The following ASH1L variants were observed in gnomAD, a reference collection of about 807,000 sequenced individuals.
ASH1L encodes ASH1 like histone lysine methyltransferase, also known as histone-lysine N-methyltransferase ASH1L.
ASH1L carries 23 observed loss-of-function variants against 269.0 expected under a neutral mutation model. That is an observed-to-expected ratio of 0.09 (90% CI 0.06 to 0.12). The LOEUF (loss-of-function observed/expected upper bound fraction) is 0.12, where lower values mean the gene tolerates loss of function less well. ASH1L is among the 10% of genes least tolerant of loss of function. The probability of loss-of-function intolerance (pLI) is 1.00; values close to 1 mark genes in which losing one functional copy is unlikely to be tolerated. For missense variants in ASH1L, 2,912 were observed against 3,567.8 expected (o/e 0.82, Z 4.68); for synonymous variants, 1,187 against 1,253.5 (o/e 0.95, Z 1.12).
chr1:155,513,571 C>CAA (rs767517719), intron 2 of ASH1L, among the ~76,000 whole-genome samples: 10 of 82,998 alleles, frequency 1.2e-4, no homozygotes, highest in Admixed American at 7.3e-4. Context: ...GATCCTGTAT[C>CAA]AAAAAAAAAA....
At chr1:155,551,754 G>A (rs980195133) in intron 1 of ASH1L, among the ~76,000 whole-genome samples, 5 of 149,452 alleles carry the variant, frequency 3.3e-5, no homozygotes, top group Non-Finnish European at 5.9e-5. Context: ...TGGATCACAA[G>A]GTCAAGAATT....
intron 6 of ASH1L, among the ~76,000 whole-genome samples, chr1:155,398,225 A>G (rs772331285): frequency 6.6e-6 from 1 of 152,242 alleles, no homozygotes; most frequent in Non-Finnish European, 1.5e-5. Context: ...GAACACAAAC[A>G]TAACTTAATA....
At chr1:155,395,593 G>A (rs781380302) in intron 6 of ASH1L, 40 bp from the exon 7 acceptor site, 2 of 1,483,918 alleles carry the variant, frequency 1.3e-6, no homozygotes, top group Non-Finnish European at 1.9e-6. Context: ...AAGAGGCAAA[G>A]AAATTTCCTC....
In ASH1L at chr1:155,556,174, G is replaced by A. The variant is rs538484909; in HGVS notation, c.-100+5979C>T. Among the ~76,000 whole-genome samples, 6 of 152,288 alleles carry A rather than the reference G, an allele frequency of 3.9e-5. No individual in the cohort carries two copies. In the East Asian group the frequency reaches 1.2e-3, roughly 29 times the overall value. On this transcript the variant is annotated intron_variant, in intron 1 of 27. Coordinates refer to ENST00000392403, the MANE Select transcript of ASH1L (RefSeq NM_018489.3). ...AGGTGGGAGGACCACATGAGTCCAA[G>A]AGTTCAAGACCATCCTGGGCAACAC... is the stretch of plus-strand genomic sequence containing the variant.
intron 1 of ASH1L, among the ~76,000 whole-genome samples, chr1:155,535,134 A>G (rs1277921558): frequency 6.6e-6 from 1 of 151,806 alleles, no homozygotes; most frequent in Non-Finnish European, 1.5e-5. Flanking sequence ...GGTTGTGGTG[A>G]GCCAAGATCG....
intron 3 of ASH1L, among the ~76,000 whole-genome samples, chr1:155,462,913 C>T (rs1199738707): frequency 6.6e-6 from 1 of 152,008 alleles, no homozygotes; most frequent in Non-Finnish European, 1.5e-5. Flanking sequence ...CTCACAGAGG[C>T]AGTAAGAAGA....
At chr1:155,468,917 A>G (rs1157343909) in intron 3 of ASH1L, among the ~76,000 whole-genome samples, 1 of 152,206 alleles carries the variant, frequency 6.6e-6, no homozygotes, top group Admixed American at 6.5e-5. Context: ...TAGAATAACA[A>G]TGTCATTGTA....
intron 15 of ASH1L, among the ~76,000 whole-genome samples, 172 bp downstream of exon 15, chr1:155,357,132 TTAAAAAAAAAAA>T (rs1654485687): frequency 3.0e-4 from 2 of 6,648 alleles, no homozygotes; most frequent in Non-Finnish European, 1.0e-3. Flanking sequence ...AGGGTAAGAC[TTAAAAAAAAAAA>T]AAAAAAAAAA....
intron 2 of ASH1L, among the ~76,000 whole-genome samples, chr1:155,517,101 C>T (rs1668544895): frequency 6.6e-6 from 1 of 152,176 alleles, no homozygotes; most frequent in Non-Finnish European, 1.5e-5. Flanking sequence ...AAAACCCCAT[C>T]CTAAAATCCA....
intron 1 of ASH1L, among the ~76,000 whole-genome samples, chr1:155,544,707 CAAAT>C (rs1454736916): frequency 3.3e-5 from 5 of 151,590 alleles, no homozygotes; most frequent in Non-Finnish European, 5.9e-5. Context: ...AATAAAAAGA[CAAAT>C]AAGATTGGGA....
At chr1:155,503,010 T>C (rs1246262905) in intron 2 of ASH1L, among the ~76,000 whole-genome samples, 3 of 152,228 alleles carry the variant, frequency 2.0e-5, no homozygotes, top group Admixed American at 2.0e-4. Flanking sequence ...CAAGCTCCCC[T>C]GCCTTGGCTT....
chr1:155,434,249 T>C (rs565276929), intron 5 of ASH1L: 12 of 1,601,502 alleles, frequency 7.5e-6, no homozygotes, highest in Non-Finnish European at 9.4e-6. Flanking sequence ...GGCTCTCCCA[T>C]GCATTCAAAC....
chr1:155,535,844 C>T (rs1670017284), intron 1 of ASH1L, among the ~76,000 whole-genome samples: 1 of 151,694 alleles, frequency 6.6e-6, no homozygotes, highest in Non-Finnish European at 1.5e-5. Context: ...AATAAAAATA[C>T]AAAATTAGCC....
At chr1:155,366,765 C>T (rs1477718998) in intron 12 of ASH1L, among the ~76,000 whole-genome samples, 5 of 151,934 alleles carry the variant, frequency 3.3e-5, no homozygotes, top group Admixed American at 1.3e-4. Context: ...ACTCTGCCTC[C>T]GGAGTTGAAG....
chr1:155,541,130 C>T (rs1670401893), intron 1 of ASH1L, among the ~76,000 whole-genome samples: 3 of 152,066 alleles, frequency 2.0e-5, no homozygotes, highest in Admixed American at 2.0e-4. Context: ...TCCACTAGAC[C>T]ATGCATTACA....
At chr1:155,432,929 C>T (rs965696361) in intron 5 of ASH1L, among the ~76,000 whole-genome samples, 1 of 152,066 alleles carries the variant, frequency 6.6e-6, no homozygotes, top group African/African-American at 2.4e-5. Flanking sequence ...TTGGTAAAGA[C>T]GGGGTTTCAC....
At chr1:155,499,315 T>G (rs1429638726) in intron 2 of ASH1L, among the ~76,000 whole-genome samples, 2 of 152,162 alleles carry the variant, frequency 1.3e-5, no homozygotes, top group Non-Finnish European at 2.9e-5. Flanking sequence ...GAGGACAAAG[T>G]CTTCAGGGTC....
At chr1:155,352,177 T>C (rs1358158648) in intron 17 of ASH1L, among the ~76,000 whole-genome samples, 2 of 151,262 alleles carry the variant, frequency 1.3e-5, no homozygotes, top group Non-Finnish European at 2.9e-5. Flanking sequence ...TACTTGAGAA[T>C]GCAAGACAGA....
chr1:155,346,078 T>TGC (rs1274031183), intron 21 of ASH1L: 1 of 1,019,472 alleles, frequency 9.8e-7, no homozygotes, highest in Non-Finnish European at 1.3e-6. Flanking sequence ...AGGCAATCCA[T>TGC]CCGCCTTAGC....
Sources: gnomAD v4.1 joint callset for allele counts (sites outside exome capture counted in the v4.1 genomes callset) on GRCh38, gnomAD v4.1.1 for gene constraint, MANE v1.5 for transcripts, NCBI Gene and HGNC (gene_info 2026-07-23, HGNC 2026-07-21) for gene names.